ABCF1: variants seen among roughly 807,000 people sequenced by gnomAD.
ABCF1 encodes the protein ATP-binding cassette sub-family F member 1.
ABCF1 carries 73 observed loss-of-function variants against 126.3 expected under a neutral mutation model. That is an observed-to-expected ratio of 0.58 (90% CI 0.48 to 0.70). The LOEUF is 0.70. Ranked by LOEUF, ABCF1 falls within the 30% of genes least tolerant of loss-of-function variation. The probability of loss-of-function intolerance (pLI) is 0.00; values close to 1 mark genes in which losing one functional copy is unlikely to be tolerated. For synonymous variants in ABCF1, 345 were observed against 396.4 expected, an observed-to-expected ratio of 0.87 and a Z score of 1.54; for missense variants, 786 against 1,057.5, an observed-to-expected ratio of 0.74 and a Z score of 3.56.
Position 30,577,741 on chromosome 6 carries a change from G to A in ABCF1, c.121-77G>A, listed in dbSNP as rs191588341. 326 of 1,412,642 alleles carry A rather than the reference G, an allele frequency of 2.3e-4. 6 individuals carry two copies. The Admixed American group carries it at 5.5e-3, about 24-fold the overall frequency. The allele number at this position is 1,412,642 out of a possible 1,614,324, so 87.5% of individuals were successfully genotyped here. The stretch of plus-strand genomic sequence containing the variant: ...TGAGGGTGGAGTGGAGGGCCAGTGG[G>A]CCAATGTGTGGCAGAGCACAGCCTG... On this transcript the variant is annotated intron_variant, in intron 2 of 24. Coordinates refer to ENST00000326195, the MANE Select transcript of ABCF1 (RefSeq NM_001025091.2).
At position 30,583,731 on chromosome 6, in the gene ABCF1, G is replaced by A. The variant is rs1376195876; in HGVS notation, c.1016+23G>A. On this transcript the variant is annotated intron_variant, in intron 11 of 24. Coordinates refer to ENST00000326195, the MANE Select transcript of ABCF1 (RefSeq NM_001025091.2). This position sits in a 1 kb window ranked among gnomAD's most constrained non-coding sequence, Gnocchi z 4.1. ...TGGGTGAGAAGAGGAGGGAGCTGGAGGCAAAAAAGGGCCTGGAGGGAAAAG... is the reference window on the plus strand; with the variant it reads ...TGGGTGAGAAGAGGAGGGAGCTGGAAGCAAAAAAGGGCCTGGAGGGAAAAG... The A allele has an allele frequency of 9.9e-6, 16 of 1,613,218 alleles. No homozygotes were observed. The highest frequency in any genetic ancestry group is 1.4e-5 in the Non-Finnish European group (16 of 1,179,564).
intron 20 of ABCF1, 76 bp from the exon 21 acceptor site, chr6:30,589,612 A>AAG: frequency 1.3e-6 from 2 of 1,544,616 alleles, no homozygotes; most frequent in African/African-American, 2.8e-5. Flanking sequence ...CAAAAAAAAA[A>AAG]AAAAAAAGTT....
rs1802134572 is a variant in ABCF1 at position 30,586,387 on chromosome 6, A to C, written c.1885+82A>C. 6 of 1,606,126 alleles carry C rather than the reference A, an allele frequency of 3.7e-6. No homozygotes were observed. The highest frequency in any genetic ancestry group is 5.1e-6 in the Non-Finnish European group (6 of 1,174,724). Reference sequence around the variant, plus strand: ...CCCTAAATTCTCCACCAAGGCTGAGATTGCTCCTGTTCTCCAAGGCCAGCA... The same window carrying C: ...CCCTAAATTCTCCACCAAGGCTGAGCTTGCTCCTGTTCTCCAAGGCCAGCA... On this transcript the variant is annotated intron_variant, in intron 18 of 24. Transcript: ENST00000326195. The surrounding 1 kb of genome is among the most constrained non-coding windows in gnomAD (Gnocchi z 4.9).
intron 1 of ABCF1, among the ~76,000 whole-genome samples, chr6:30,572,802 C>G (rs1374648521): frequency 1.3e-5 from 2 of 152,170 alleles, no homozygotes; most frequent in Admixed American, 6.5e-5. Context: ...CATCTGCTCC[C>G]CAGAGTTTAT....
rs1224310867 is a variant in ABCF1, at chr6:30,590,746, T to A, written c.*45T>A. On this transcript the variant is annotated 3_prime_UTR_variant, in exon 25 of 25. Transcript: ENST00000326195. Reference sequence around the variant, plus strand: ...TCCCGAGAGACATATTTGTGTGGCCTAGAAGTCCTCTGTGGTCTCCCCTCC... The same window carrying A: ...TCCCGAGAGACATATTTGTGTGGCCAAGAAGTCCTCTGTGGTCTCCCCTCC... 6.4e-7 allele frequency: 1 copy of A among 1,557,348 alleles called. No individual in the cohort carries two copies. Among genetic ancestry groups the A allele is most frequent in the Admixed American group, 1.9e-5 (1 of 52,940 alleles).
chr6:30,576,274 CTCTTTT>C (rs1293532961), intron 1 of ABCF1, among the ~76,000 whole-genome samples: 53 of 67,146 alleles, frequency 7.9e-4, no homozygotes, highest in African/African-American at 3.2e-3. Context: ...TCTCTGAGTG[CTCTTTT>C]TTTTTTTTTT....
intron 1 of ABCF1, among the ~76,000 whole-genome samples, chr6:30,573,630 C>G (rs1399315915): frequency 6.6e-6 from 1 of 152,014 alleles, no homozygotes; most frequent in African/African-American, 2.4e-5. Context: ...AAACTGGAGG[C>G]AAACCAGGAG....
intron 2 of ABCF1, 107 bp from the exon 3 acceptor site, chr6:30,577,711 T>C: frequency 9.1e-7 from 1 of 1,095,654 alleles, no homozygotes; most frequent in Non-Finnish European, 1.4e-6. Flanking sequence ...AGACAGGAGG[T>C]AAGGTGAGGG....
Position 30,584,233 on chromosome 6 carries a change from C to T in ABCF1, c.1144C>T (p.Arg382Ter), listed in dbSNP as rs760462756. ...DETPAVQAVL[R>*]ADTKRLKLLE... is the part of the protein sequence containing the mutation. ...GACACCAGCAGTCCAGGCTGTTCTT[C>T]GAGCTGACACCAAGCGATTGAAGCT... The change falls in exon 13 of 25, where the codon CGA becomes TGA. Residue 382 changes from arginine (R) to a stop codon, truncating the protein, a stop_gained. Coordinates refer to ENST00000326195, the MANE Select transcript of ABCF1 (RefSeq NM_001025091.2). LOFTEE classifies it high-confidence loss of function. This position sits in a 1 kb window ranked among gnomAD's most constrained non-coding sequence, Gnocchi z 4.6. 1.2e-6 allele frequency: 2 copies of T among 1,612,948 alleles called. No homozygotes were observed. The highest frequency in any genetic ancestry group is 1.1e-5 in the South Asian group (1 of 91,076).
rs1364369951 is a variant in ABCF1, at chr6:30,574,175, A to C, written c.73+2615A>C. Among the ~76,000 whole-genome samples the C allele has an allele frequency of 6.7e-6, 1 of 149,992 alleles. No individual in the cohort carries two copies. Among genetic ancestry groups the C allele is most frequent in the East Asian group, 1.9e-4 (1 of 5,150 alleles). ...TTTTTTTTTTTTGTGACGGAGCCTC[A>C]CTCCAGGCTGGAGTGCAGTGGCGCG... is the stretch of plus-strand genomic sequence containing the variant. On this transcript the variant is annotated intron_variant, in intron 1 of 24. Coordinates refer to ENST00000326195, the MANE Select transcript of ABCF1 (RefSeq NM_001025091.2). The surrounding 1 kb of genome is among the most constrained non-coding windows in gnomAD (Gnocchi z 4.3).
chr6:30,590,292 TTCC>T lies in ABCF1; in HGVS notation c.2299-9_2299-7del. On this transcript the variant is annotated splice_polypyrimidine_tract_variant and intron_variant, in intron 23 of 24. Coordinates refer to ENST00000326195, the MANE Select transcript of ABCF1 (RefSeq NM_001025091.2). Reference sequence around the variant, plus strand: ...GGAGTTGCAGTGCTCAGTCATGGAATTCCTCCTATGTAGGACGAGCCAACCAAT... The same window carrying T: ...GGAGTTGCAGTGCTCAGTCATGGAATTCCTATGTAGGACGAGCCAACCAAT... 6.2e-7 allele frequency: 1 copy of T among 1,612,046 alleles called. No individual in the cohort carries two copies. Among genetic ancestry groups the T allele is most frequent in the Non-Finnish European group, 8.5e-7 (1 of 1,179,242 alleles).
rs538544681 is a variant in ABCF1 at position 30,581,246 on chromosome 6, T to G, written c.678+727T>G. On this transcript the variant is annotated intron_variant, in intron 8 of 24. Transcript: ENST00000326195. ...TCTGCCTTCACTGGCTGTGTGACCT[T>G]GAATACATCTTCCCATCCCCTTGGG... Among the ~76,000 whole-genome samples, 211 of 152,200 alleles carry G rather than the reference T, an allele frequency of 1.4e-3. 1 individual carries two copies. The highest frequency in any genetic ancestry group is 2.8e-3 in the Non-Finnish European group (188 of 68,010).
intron 15 of ABCF1, 27 bp downstream of exon 15, chr6:30,585,370 T>C: frequency 1.2e-6 from 2 of 1,608,312 alleles, no homozygotes; most frequent in Non-Finnish European, 1.7e-6. Context: ...GCATCATTGG[T>C]TCCCATTCTG....
At chr6:30,577,147 G>A (rs1157394014) in intron 1 of ABCF1, among the ~76,000 whole-genome samples, 2 of 152,170 alleles carry the variant, frequency 1.3e-5, no homozygotes, top group African/African-American at 4.8e-5. Context: ...GACCACATTT[G>A]TCTTGTTCAT....
At position 30,586,678 on chromosome 6, in the gene ABCF1, G is replaced by A. The variant is rs769438343; in HGVS notation, c.1998G>A (p.Thr666=). The A allele has an allele frequency of 1.3e-5, 21 of 1,613,818 alleles. No individual in the cohort carries two copies. The highest frequency in any genetic ancestry group is 5.5e-5 in the South Asian group (5 of 91,072). ...GCCCTAATGGTGTGGGGAAGAGTACGCTACTCCTGCTGCTGACTGGCAAGC... is the reference window on the plus strand; with the variant it reads ...GCCCTAATGGTGTGGGGAAGAGTACACTACTCCTGCTGCTGACTGGCAAGC... The part of the protein sequence containing the change: ...IVGPNGVGKS[T]LLLLLTGKLT... Residue 666 remains threonine (T), a synonymous_variant, in exon 20 of 25, where the codon ACG becomes ACA. Coordinates refer to ENST00000326195, the MANE Select transcript of ABCF1 (RefSeq NM_001025091.2). The surrounding 1 kb of genome is among the most constrained non-coding windows in gnomAD (Gnocchi z 4.9).
In ABCF1 at chr6:30,586,252, G is replaced by A. The variant is rs904486732; in HGVS notation, c.1832G>A (p.Arg611His). ...LLKRPKEYTV[R>H]FTFPDPPPLS... ...AAGCGCCCTAAGGAGTACACTGTGC[G>A]CTTCACTTTTCCAGACCCCCCACCA... The change falls in exon 18 of 25, where the codon CGC (arginine) becomes CAC (histidine). Residue 611 changes from arginine to histidine, a missense_variant. Transcript: ENST00000326195. The surrounding 1 kb of genome is among the most constrained non-coding windows in gnomAD (Gnocchi z 4.9). 2.2e-5 allele frequency: 36 copies of A among 1,612,910 alleles called. No individual in the cohort carries two copies. Among genetic ancestry groups the A allele is most frequent in the Admixed American group, 1.3e-4 (8 of 59,760 alleles).
Position 30,588,811 on chromosome 6 carries a change from A to G in ABCF1, c.2032-877A>G, listed in dbSNP as rs373198561. 2.4e-4 allele frequency among the ~76,000 whole-genome samples: 37 copies of G among 152,188 alleles called. 1 individual carries two copies. Among genetic ancestry groups the G allele is most frequent in the African/African-American group, 8.7e-4 (36 of 41,510 alleles). ...AGAAAGGTATTATTAGATTCTCCCC[A>G]AAACACTAAACTTGCCACATGAGGC... On this transcript the variant is annotated intron_variant, in intron 20 of 24. Transcript: ENST00000326195.
chr6:30,589,713 A>C lies in ABCF1; in HGVS notation c.2057A>C (p.His686Pro), dbSNP rs747153266. ...TPTHGEMRKN[H>P]RLKIGFFNQQ... ...ACCCATGGGGAAATGAGAAAGAACC[A>C]CCGGCTGGTAAGTTGGCATTGGGAT... The change falls in exon 21 of 25, where the codon CAC becomes CCC. Residue 686 changes from histidine (H) to proline (P), a missense_variant. By Grantham distance (77) the His-to-Pro change is moderately conservative. Around this residue, in one of 4 missense-constraint regions of ABCF1, gnomAD observed 288 missense variants for 423.5 expected, o/e 0.68. Coordinates refer to ENST00000326195, the MANE Select transcript of ABCF1 (RefSeq NM_001025091.2). The C allele has an allele frequency of 7.4e-6, 12 of 1,614,064 alleles. No individual in the cohort carries two copies. The highest frequency in any genetic ancestry group is 1.0e-5 in the Non-Finnish European group (12 of 1,180,010).
In ABCF1 at chr6:30,590,700, G is replaced by GA. The variant is rs72545970; in HGVS notation, c.2538dup. ...GTCATGGTCAGCCGGCCCCGAGAGT[G>GA]AGCTTTCCTTCCCAGAAGTCTCCCG... ...GEVMVSRPRE[*] The change falls in exon 25 of 25, where the codon TGA becomes TGAA. Residue 846 remains the stop codon, a frameshift_variant and stop_retained_variant. Coordinates refer to ENST00000326195, the MANE Select transcript of ABCF1 (RefSeq NM_001025091.2). LOFTEE classifies it high-confidence loss of function. The GA allele has an allele frequency of 0.69, 1,102,017 of 1,605,550 alleles. 380,573 individuals carry two copies. The highest frequency in any genetic ancestry group is 0.84 in the South Asian group (76,127 of 90,298).
Sources: allele counts gnomAD v4.1 joint callset (sites outside exome capture counted in the v4.1 genomes callset), GRCh38; gene constraint gnomAD v4.1.1; regional missense constraint gnomAD v4.1.1; non-coding constraint Gnocchi (gnomAD v3.1); transcripts MANE v1.5; gene names NCBI Gene and HGNC (gene_info 2026-07-23, HGNC 2026-07-21).